Variants in VWA3B observed in about 807,000 individuals in gnomAD.
The protein encoded by VWA3B is von Willebrand factor A domain-containing protein 3B.
Under a neutral mutation model 158.3 loss-of-function variants are expected in VWA3B, and 138 were observed. The observed-to-expected ratio is 0.87, with a 90% confidence interval of 0.76 to 1.00. The LOEUF is 1.00. Ranked by LOEUF, VWA3B falls within the 50% of genes least tolerant of loss-of-function variation. The probability of loss-of-function intolerance (pLI) is 0.00; values close to 1 mark genes in which losing one functional copy is unlikely to be tolerated. For synonymous variants in VWA3B, 596 were observed against 587.3 expected (o/e 1.01, Z -0.21); for missense variants, 1,555 against 1,565.1 (o/e 0.99, Z 0.11).
chr2:98,166,185 A>C (rs1679058078), intron 8 of VWA3B, among the ~76,000 whole-genome samples: 1 of 152,146 alleles, frequency 6.6e-6, no homozygotes, highest in Non-Finnish European at 1.5e-5. Flanking sequence ...AAAAATACAA[A>C]AATTAGCCAG....
intron 8 of VWA3B, chr2:98,179,366 C>G (rs1278626215): frequency 2.1e-6 from 1 of 470,188 alleles, no homozygotes; most frequent in Non-Finnish European, 4.4e-6. Flanking sequence ...GAAAACACCA[C>G]GAGAATGTGC....
intron 7 of VWA3B, among the ~76,000 whole-genome samples, chr2:98,136,905 T>G (rs1466294859): frequency 6.6e-6 from 1 of 152,232 alleles, no homozygotes; most frequent in Non-Finnish European, 1.5e-5. Context: ...TATACAGTAT[T>G]TGTCCTTCTG....
chr2:98,283,510 C>A (rs930711793), intron 22 of VWA3B, among the ~76,000 whole-genome samples: 1 of 152,216 alleles, frequency 6.6e-6, no homozygotes, highest in African/African-American at 2.4e-5. Context: ...ACTCTAAATT[C>A]TATCCATTAT....
intron 19 of VWA3B, among the ~76,000 whole-genome samples, chr2:98,241,866 A>G (rs1443752445): frequency 6.6e-6 from 1 of 152,152 alleles, no homozygotes; most frequent in Non-Finnish European, 1.5e-5. Context: ...CATATACTGC[A>G]GTGATCTCCA....
intron 9 of VWA3B, among the ~76,000 whole-genome samples, chr2:98,185,995 G>A (rs931060684): frequency 1.3e-5 from 2 of 151,874 alleles, no homozygotes; most frequent in African/African-American, 2.4e-5. Flanking sequence ...CTCCTCCCAT[G>A]CTCCTGGGAG....
At chr2:98,240,654 G>C (rs1171185767) in intron 19 of VWA3B, among the ~76,000 whole-genome samples, 1 of 152,114 alleles carries the variant, frequency 6.6e-6, no homozygotes, top group Non-Finnish European at 1.5e-5. Context: ...GAAATGCTTT[G>C]AAAACCCTGA....
At chr2:98,271,823 A>C (rs1688216819) in intron 22 of VWA3B, among the ~76,000 whole-genome samples, 1 of 152,112 alleles carries the variant, frequency 6.6e-6, no homozygotes, top group South Asian at 2.1e-4. Flanking sequence ...TGTGAAACCT[A>C]CTCTCTGACT....
chr2:98,289,000 A>G (rs921408504), intron 22 of VWA3B, among the ~76,000 whole-genome samples: 3 of 152,198 alleles, frequency 2.0e-5, no homozygotes, highest in African/African-American at 7.2e-5. Context: ...ACAAAAAAGT[A>G]TTTGTACTAT....
chr2:98,253,657 G>A (rs1350036045), intron 20 of VWA3B, among the ~76,000 whole-genome samples: 2 of 152,220 alleles, frequency 1.3e-5, no homozygotes, highest in Middle Eastern at 3.4e-3. Context: ...TTGCTGGGCC[G>A]GCTGCTTCTT....
At chr2:98,093,867 A>G (rs1682530199) in intron 2 of VWA3B, among the ~76,000 whole-genome samples, 1 of 152,148 alleles carries the variant, frequency 6.6e-6, no homozygotes, top group Non-Finnish European at 1.5e-5. Context: ...ACTTTTTAAA[A>G]TTCCACATGA....
At chr2:98,091,668 C>G (rs370531546) in intron 1 of VWA3B, among the ~76,000 whole-genome samples, 4 of 152,172 alleles carry the variant, frequency 2.6e-5, no homozygotes, top group African/African-American at 9.7e-5. Context: ...CTTCTAACTC[C>G]TTTTTATAAA....
At chr2:98,163,268 G>C (rs1226875065) in intron 8 of VWA3B, among the ~76,000 whole-genome samples, 1 of 152,156 alleles carries the variant, frequency 6.6e-6, no homozygotes, top group South Asian at 2.1e-4. Context: ...GGCCGGGCGC[G>C]GTGGCTCACA....
At chr2:98,192,005 C>T (rs2105415266) in intron 10 of VWA3B, among the ~76,000 whole-genome samples, 1 of 152,342 alleles carries the variant, frequency 6.6e-6, no homozygotes, top group South Asian at 2.1e-4. Flanking sequence ...TCATGGACCA[C>T]AGACGCAGTC....
At chr2:98,285,597 A>G (rs188369208) in intron 22 of VWA3B, among the ~76,000 whole-genome samples, 1 of 152,060 alleles carries the variant, frequency 6.6e-6, no homozygotes, top group East Asian at 1.9e-4. Context: ...CTGTTTCACT[A>G]ATCCATATCA....
chr2:98,217,926 G>A lies in VWA3B; in HGVS notation c.1917G>A (p.Glu639=). 1 of 1,613,560 alleles carries A rather than the reference G, an allele frequency of 6.2e-7. No individual in the cohort carries two copies. Among genetic ancestry groups the A allele is most frequent in the Non-Finnish European group, 8.5e-7 (1 of 1,179,756 alleles). ...IYTISFNYND[E]IANRFLKEVA... ...CCATCTCCTTCAATTACAATGATGA[G>A]ATTGCAAACAGGTTTTTGAAAGAGG... The change falls in exon 14 of 28, where the codon GAG becomes GAA. Residue 639 remains glutamate (E), a synonymous_variant. Coordinates refer to ENST00000477737, the MANE Select transcript of VWA3B (RefSeq NM_144992.5).
chr2:98,153,967 T>G (rs991499302), intron 7 of VWA3B, among the ~76,000 whole-genome samples: 1 of 152,120 alleles, frequency 6.6e-6, no homozygotes, highest in Non-Finnish European at 1.5e-5. Flanking sequence ...GCTCAAGCGA[T>G]TCTCCTGCCT....
intron 19 of VWA3B, 101 bp from the exon 20 acceptor site, chr2:98,250,217 T>G (rs1686708887): frequency 2.5e-6 from 2 of 788,268 alleles, no homozygotes; most frequent in African/African-American, 1.8e-5. Context: ...ATTGACTTTA[T>G]AGTCAGAGAA....
Position 98,236,639 on chromosome 2 carries a change from T to C in VWA3B, c.2582T>C (p.Leu861Pro). 6.2e-7 allele frequency: 1 copy of C among 1,614,236 alleles called. No homozygotes were observed. Among genetic ancestry groups the C allele is most frequent in the South Asian group, 1.1e-5 (1 of 91,082 alleles). ...TYGLVAKKLT[L>P]MDALSVAAVP... Reference sequence around the variant, plus strand: ...GGCTTGGTCGCCAAGAAACTCACCCTCATGGATGCCTTGTCAGTGGCAGCA... The same window carrying C: ...GGCTTGGTCGCCAAGAAACTCACCCCCATGGATGCCTTGTCAGTGGCAGCA... The change falls in exon 19 of 28, where the codon CTC becomes CCC. Residue 861 changes from leucine (L) to proline (P), a missense_variant. Leu to Pro is a moderately conservative substitution (Grantham distance 98). Transcript: ENST00000477737.
At chr2:98,203,641 C>T (rs991880892) in intron 12 of VWA3B, among the ~76,000 whole-genome samples, 6 of 152,126 alleles carry the variant, frequency 3.9e-5, no homozygotes. Flanking sequence ...AGCTCTTGTA[C>T]CTGTTTAAGT....
Sources: allele counts gnomAD v4.1 joint callset (sites outside exome capture counted in the v4.1 genomes callset), GRCh38; gene constraint gnomAD v4.1.1; transcripts MANE v1.5; gene names NCBI Gene and HGNC (gene_info 2026-07-23, HGNC 2026-07-21).